GLRA2: variants seen among roughly 807,000 people sequenced by gnomAD.
GLRA2 encodes the protein glycine receptor alpha 2, also known as glycine receptor subunit alpha-2.
In GLRA2, 11 loss-of-function variants were observed where a neutral mutation model predicts 31.6. The ratio of observed to expected loss-of-function variants is 0.35; its 90% confidence interval spans 0.22 to 0.58. The LOEUF (loss-of-function observed/expected upper bound fraction) is 0.58. GLRA2 is among the 20% of genes least tolerant of loss of function. GLRA2 has a pLI of 0.84. For missense variants in GLRA2, 212 were observed against 351.8 expected, an observed-to-expected ratio of 0.60 and a Z score of 3.18; for synonymous variants, 132 against 134.0, an observed-to-expected ratio of 0.99 and a Z score of 0.10.
intron 7 of GLRA2, among the ~76,000 whole-genome samples, chrX:14,660,895 T>C (rs1464369142): frequency 8.9e-6 from 1 of 112,207 alleles, no homozygotes; most frequent in Admixed American, 9.5e-5. Context: ...GCATTTGATA[T>C]AGGAGTGTGG....
chrX:14,662,849 C>A (rs1325615938), intron 7 of GLRA2, among the ~76,000 whole-genome samples: 2 of 111,829 alleles, frequency 1.8e-5, no homozygotes, highest in African/African-American at 3.3e-5. Flanking sequence ...TGTGTTCTTG[C>A]ACATTTCCTG....
chrX:14,549,463 G>A lies in GLRA2; in HGVS notation c.202+17091G>A, dbSNP rs139660010. On this transcript the variant is annotated intron_variant, in intron 2 of 8. Transcript: ENST00000218075. The stretch of plus-strand genomic sequence containing the variant: ...ACCTTTCAAAGGATATACGAAAAAG[G>A]TAAGGGACCAGGGTTCCAGGACAAT... Among the ~76,000 whole-genome samples the A allele has an allele frequency of 5.0e-3, 553 of 111,713 alleles. 5 individuals are homozygous for A. The highest frequency in any genetic ancestry group is 0.017 in the African/African-American group (522 of 30,761).
intron 7 of GLRA2, among the ~76,000 whole-genome samples, chrX:14,654,890 T>C (rs2090924932): frequency 9.0e-6 from 1 of 111,488 alleles, no homozygotes; most frequent in African/African-American, 3.3e-5. Context: ...AGAGAAAGAA[T>C]GAGAACCAAG....
rs372265920 is a variant in GLRA2 at position 14,607,277 on chromosome X, C to CTT, written c.715+23_715+24dup. The CTT allele has an allele frequency of 0.1, 92,705 of 906,569 alleles. 595 individuals are homozygous for CTT. The highest frequency in any genetic ancestry group is 0.12 in the Non-Finnish European group (79,305 of 677,142). 74.7% of individuals were successfully genotyped at this position (906,569 alleles called of 1,213,427 possible). On this transcript the variant is annotated intron_variant, in intron 6 of 8. Coordinates refer to ENST00000218075, the MANE Select transcript of GLRA2 (RefSeq NM_002063.4). ...AAAGCACTACAACACTGGTAAGTTT[C>CTT]TTTTTTTTTTTTTTTCAGCTGTTAA... is the stretch of plus-strand genomic sequence containing the variant.
chrX:14,537,841 T>G (rs1291028907), intron 2 of GLRA2, among the ~76,000 whole-genome samples: 1 of 109,254 alleles, frequency 9.2e-6, no homozygotes, highest in Non-Finnish European at 1.9e-5. Context: ...AAGGAAAGGC[T>G]GGGAGTAACA....
At chrX:14,528,985 A>G (rs1441776960), upstream of GLRA2, among the ~76,000 whole-genome samples, 2 of 111,432 alleles carry the variant, frequency 1.8e-5, no homozygotes, top group Non-Finnish European at 3.8e-5. Flanking sequence ...AAAACATTAA[A>G]AAGGCGAGGA....
intron 8 of GLRA2, among the ~76,000 whole-genome samples, chrX:14,701,123 G>A (rs1363851878): frequency 3.6e-5 from 4 of 110,751 alleles, no homozygotes; most frequent in Non-Finnish European, 7.6e-5. Flanking sequence ...TAAAGAGGGA[G>A]GTGACAGAGT....
At chrX:14,606,886 A>T (rs751572381) in intron 5 of GLRA2, among the ~76,000 whole-genome samples, 2 of 112,158 alleles carry the variant, frequency 1.8e-5, no homozygotes, top group Non-Finnish European at 3.8e-5. Context: ...TAGACTTTTT[A>T]GATTCCATTC....
intron 7 of GLRA2, among the ~76,000 whole-genome samples, chrX:14,620,107 C>T (rs889727436): frequency 4.6e-5 from 5 of 108,758 alleles, no homozygotes; most frequent in African/African-American, 1.7e-4. Flanking sequence ...CTGATAGTAT[C>T]AAGTAGTGTT....
intron 7 of GLRA2, 123 bp from the exon 8 acceptor site, chrX:14,690,587 A>G (rs973127193): frequency 8.4e-6 from 4 of 477,543 alleles, no homozygotes; most frequent in African/African-American, 7.2e-5. Context: ...ATCATTGACC[A>G]AGGAAATTAG....
the GLRA2 span, among the ~76,000 whole-genome samples, chrX:14,451,783 T>A: frequency 9.2e-6 from 1 of 108,238 alleles, no homozygotes; most frequent in East Asian, 2.9e-4. Flanking sequence ...AGACCTATCA[T>A]GCAAATGAAA....
chrX:14,661,123 TG>T (rs2090986538), intron 7 of GLRA2, among the ~76,000 whole-genome samples: 1 of 112,177 alleles, frequency 8.9e-6, no homozygotes, highest in Non-Finnish European at 1.9e-5. Flanking sequence ...AATGAATGAA[TG>T]AATGAACAGA....
intron 6 of GLRA2, 57 bp downstream of exon 6, chrX:14,607,325 G>A (rs2090346250): frequency 2.1e-6 from 2 of 944,545 alleles, no homozygotes; most frequent in Non-Finnish European, 2.9e-6. Flanking sequence ...GCCATTTGCA[G>A]TTTGGAGTAT....
At chrX:14,487,415 AG>A in the GLRA2 span, among the ~76,000 whole-genome samples, 2 of 102,277 alleles carry the variant, frequency 2.0e-5, no homozygotes, top group African/African-American at 7.3e-5. Flanking sequence ...AAAAAAAAAA[AG>A]GTTTCCAAAA....
chrX:14,701,390 A>C (rs1230548796), intron 8 of GLRA2, among the ~76,000 whole-genome samples: 1 of 111,264 alleles, frequency 9.0e-6, no homozygotes, highest in Non-Finnish European at 1.9e-5. Flanking sequence ...CCCTGGTTCA[A>C]AAACAATTAA....
At chrX:14,629,913 TTATA>T (rs1417980995) in intron 7 of GLRA2, among the ~76,000 whole-genome samples, 2 of 112,015 alleles carry the variant, frequency 1.8e-5, no homozygotes, top group Non-Finnish European at 3.8e-5. Context: ...TTTTATTTCT[TTATA>T]TATCATAAAC....
chrX:14,578,268 A>G (rs778386776), intron 3 of GLRA2, among the ~76,000 whole-genome samples: 1 of 111,725 alleles, frequency 9.0e-6, no homozygotes, highest in East Asian at 2.8e-4. Context: ...TGCCCTTCCT[A>G]TGGTTAATGA....
intron 4 of GLRA2, among the ~76,000 whole-genome samples, chrX:14,595,454 A>G (rs2090191284): frequency 8.9e-6 from 1 of 112,080 alleles, no homozygotes; most frequent in South Asian, 3.7e-4. Context: ...TGGAGTAGGC[A>G]GGACTCTCTC....
intron 7 of GLRA2, among the ~76,000 whole-genome samples, chrX:14,609,700 T>G (rs1281710386): frequency 9.0e-6 from 1 of 111,595 alleles, no homozygotes; most frequent in Admixed American, 9.6e-5. Flanking sequence ...ATGTACAATA[T>G]TAGGGTACAG....
Sources: gnomAD v4.1 joint callset for allele counts (sites outside exome capture counted in the v4.1 genomes callset) on GRCh38, gnomAD v4.1.1 for gene constraint, MANE v1.5 for transcripts, NCBI Gene and HGNC (gene_info 2026-07-23, HGNC 2026-07-21) for gene names.